GNB4: variants seen among roughly 807,000 people sequenced by gnomAD.
GNB4 encodes guanine nucleotide-binding protein subunit beta-4.
A neutral mutation model predicts 45.2 loss-of-function variants in GNB4; 28 were observed. That is an observed-to-expected ratio of 0.62 (90% CI 0.46 to 0.85). GNB4 has a LOEUF of 0.85. Ranked by LOEUF, GNB4 falls within the 40% of genes least tolerant of loss-of-function variation. GNB4 has a pLI of 0.00. For missense variants in GNB4, 321 were observed against 425.4 expected (o/e 0.75, Z 2.16); for synonymous variants, 132 against 143.7 (o/e 0.92, Z 0.58).
chr3:179,420,668 T>C (rs1197865289), intron 3 of GNB4, among the ~76,000 whole-genome samples: 1 of 151,986 alleles, frequency 6.6e-6, no homozygotes, highest in East Asian at 1.9e-4. Flanking sequence ...AGCTGGTATA[T>C]TTTTATAGCA....
the GNB4 span, among the ~76,000 whole-genome samples, chr3:179,501,805 C>T: frequency 6.6e-6 from 1 of 152,216 alleles, no homozygotes; most frequent in Non-Finnish European, 1.5e-5. Context: ...TTCAATCCTT[C>T]ATGAGACTCT....
Position 179,413,125 on chromosome 3 carries a change from C to T in GNB4, c.699+287G>A, listed in dbSNP as rs186562247. On this transcript the variant is annotated intron_variant, in intron 8 of 9. Transcript: ENST00000232564. The stretch of plus-strand genomic sequence containing the variant: ...CCCAGGAGGTCGAGGCTGCAGTGAG[C>T]CGTGACTGCACCGCTGCACTCCAGC... 5.1e-3 allele frequency among the ~76,000 whole-genome samples: 781 copies of T among 152,178 alleles called. 3 individuals carry two copies. Among genetic ancestry groups the T allele is most frequent in the Middle Eastern group, 0.014 (4 of 294 alleles).
intron 1 of GNB4, among the ~76,000 whole-genome samples, chr3:179,446,738 A>G (rs1038263889): frequency 2.0e-5 from 3 of 152,334 alleles, no homozygotes; most frequent in African/African-American, 7.2e-5. Context: ...CAAAGTTGGT[A>G]ACTTGTTAGC....
chr3:179,404,049 G>A (rs961346047), intron 9 of GNB4, among the ~76,000 whole-genome samples: 4 of 151,886 alleles, frequency 2.6e-5, no homozygotes, highest in African/African-American at 9.7e-5. Context: ...AAATGGATCC[G>A]CTCCGAGACA....
chr3:179,442,038 C>T (rs1233943026), intron 1 of GNB4, among the ~76,000 whole-genome samples: 1 of 152,132 alleles, frequency 6.6e-6, no homozygotes, highest in Non-Finnish European at 1.5e-5. Context: ...AACTCCTGAC[C>T]TCAGGTGATC....
chr3:179,401,368 TAAAC>T (rs761701814), intron 9 of GNB4, 49 bp from the exon 10 acceptor site: 2 of 1,188,830 alleles, frequency 1.7e-6, no homozygotes, highest in Non-Finnish European at 2.5e-6. Flanking sequence ...GTTTTAGAAT[TAAAC>T]AAGTATATGC....
the GNB4 span, among the ~76,000 whole-genome samples, chr3:179,468,002 A>T: frequency 7.2e-6 from 1 of 138,948 alleles, no homozygotes; most frequent in Admixed American, 7.1e-5. Context: ...ATGAAAAACC[A>T]GTGATAATTT....
chr3:179,404,662 C>T (rs1714410884), intron 9 of GNB4, among the ~76,000 whole-genome samples: 3 of 152,060 alleles, frequency 2.0e-5, no homozygotes, highest in Non-Finnish European at 4.4e-5. Flanking sequence ...CAACTGGATT[C>T]CTTTAAGTAT....
rs1714430172 is a variant in GNB4 at position 179,405,259 on chromosome 3, G to A, written c.847C>T (p.Arg283Cys). ...ITSVAFSKSG[R>C]LLLAGYDDFN... ...TCATCGTAACCAGCCAACAAGAGACGCCCACTTTTTGAGAAGGCTACAGAA... is the reference window on the plus strand; with the variant it reads ...TCATCGTAACCAGCCAACAAGAGACACCCACTTTTTGAGAAGGCTACAGAA... The change falls in exon 9 of 10, where the codon CGT (arginine) becomes TGT (cysteine). Residue 283 changes from arginine (R) to cysteine (C), a missense_variant. By Grantham distance (180) the Arg-to-Cys change is radical (BLOSUM62 -3). Transcript: ENST00000232564. The A allele has an allele frequency of 7.4e-6, 12 of 1,614,110 alleles. No homozygotes were observed. The highest frequency in any genetic ancestry group is 1.3e-5 in the African/African-American group (1 of 75,032).
At chr3:179,491,033 C>A in the GNB4 span, among the ~76,000 whole-genome samples, 1 of 151,860 alleles carries the variant, frequency 6.6e-6, no homozygotes, top group Non-Finnish European at 1.5e-5. Flanking sequence ...AACAGAATAA[C>A]ACATACGTTA....
Position 179,421,029 on chromosome 3 carries a change from TACC to T in GNB4, c.58-105_58-103del, listed in dbSNP as rs148626635. ...AGATTTGTGAATTTACTTCTCACTG[TACC>T]ACATCTTTAAAAATTTTTTTAATTG... On this transcript the variant is annotated intron_variant, in intron 2 of 9. Coordinates refer to ENST00000232564, the MANE Select transcript of GNB4 (RefSeq NM_021629.4). 595 of 690,220 alleles carry T rather than the reference TACC, an allele frequency of 8.6e-4. 6 individuals carry two copies. The African/African-American group carries it at 0.01, about 12-fold the overall frequency. The allele number at this position is 690,220 out of a possible 1,614,324, so 42.8% of individuals were successfully genotyped here. A position where few individuals can be genotyped will look rare whatever the true frequency, so the allele number is the denominator to read the frequency against.
chr3:179,464,987 A>G, the GNB4 span: 1 of 1,534,222 alleles, frequency 6.5e-7, no homozygotes. Context: ...GTTACTGCAC[A>G]CAGATGGGGT....
intron 4 of GNB4, among the ~76,000 whole-genome samples, chr3:179,419,115 A>C (rs1345518182): frequency 6.6e-6 from 1 of 152,210 alleles, no homozygotes; most frequent in East Asian, 1.9e-4. Flanking sequence ...TACAGTAAAA[A>C]CGCTTTGTGC....
At chr3:179,505,718 GGAC>G in the GNB4 span, among the ~76,000 whole-genome samples, 2 of 152,080 alleles carry the variant, frequency 1.3e-5, no homozygotes, top group Non-Finnish European at 2.9e-5. Flanking sequence ...GTGGAGTGCT[GGAC>G]GACACGTTCC....
rs144204861 is a variant in GNB4 at position 179,423,081 on chromosome 3, G to A, written c.58-2154C>T. On this transcript the variant is annotated intron_variant, in intron 2 of 9. Coordinates refer to ENST00000232564, the MANE Select transcript of GNB4 (RefSeq NM_021629.4). Reference sequence around the variant, plus strand: ...GCTGGGATTACAGGTGTGAGCCACCGTGCCCAGCCAGAAAGATTTTTAAAT... The same window carrying A: ...GCTGGGATTACAGGTGTGAGCCACCATGCCCAGCCAGAAAGATTTTTAAAT... Among the ~76,000 whole-genome samples, 1,067 of 152,160 alleles carry A rather than the reference G, an allele frequency of 7.0e-3. 16 individuals carry two copies. Among genetic ancestry groups the A allele is most frequent in the African/African-American group, 0.025 (1,022 of 41,528 alleles).
intron 1 of GNB4, among the ~76,000 whole-genome samples, chr3:179,435,471 A>AC: frequency 2.4e-5 from 1 of 42,180 alleles, no homozygotes; most frequent in Non-Finnish European, 5.5e-5. Flanking sequence ...TTTCTTTTAC[A>AC]AAAAAAAAAA....
chr3:179,510,950 G>A, the GNB4 span, among the ~76,000 whole-genome samples: 2 of 152,136 alleles, frequency 1.3e-5, no homozygotes, highest in Non-Finnish European at 1.5e-5. Context: ...TTGTTTCTCT[G>A]GGGTCCTGCT....
rs1417540005 is a variant in GNB4 at position 179,400,854 on chromosome 3, G to A, written c.*359C>T. ...AACTCAAAAATATGACATTTCTTGT[G>A]TATACAAAGTTAAAAATGTACTTCT... On this transcript the variant is annotated 3_prime_UTR_variant, in exon 10 of 10. Transcript: ENST00000232564. 1 of 162,832 alleles carries A rather than the reference G, an allele frequency of 6.1e-6. No individual in the cohort carries two copies. Among genetic ancestry groups the A allele is most frequent in the African/African-American group, 2.4e-5 (1 of 41,882 alleles). 10.1% of individuals were successfully genotyped at this position (162,832 alleles called of 1,614,324 possible). A position where few individuals can be genotyped will look rare whatever the true frequency, so the allele number is the denominator to read the frequency against.
intron 9 of GNB4, 101 bp downstream of exon 9, chr3:179,405,089 T>C: frequency 1.3e-6 from 1 of 781,678 alleles, no homozygotes; most frequent in Non-Finnish European, 2.0e-6. Flanking sequence ...GGTTACCACT[T>C]TCCACAACTC....
Sources: allele counts gnomAD v4.1 joint callset (sites outside exome capture counted in the v4.1 genomes callset), GRCh38; gene constraint gnomAD v4.1.1; transcripts MANE v1.5; gene names NCBI Gene and HGNC (gene_info 2026-07-23, HGNC 2026-07-21).